Variants in GRID2 observed in about 807,000 individuals in gnomAD.
GRID2 encodes glutamate ionotropic receptor delta type subunit 2.
Under a neutral mutation model 114.8 loss-of-function variants are expected in GRID2, and 33 were observed. The ratio of observed to expected loss-of-function variants is 0.29; its 90% CI spans 0.22 to 0.38. The LOEUF (loss-of-function observed/expected upper bound fraction) is 0.38. GRID2 is among the 10% of genes least tolerant of loss of function. GRID2 has a pLI of 1.00. For missense variants in GRID2, 1,184 were observed against 1,257.7 expected (o/e 0.94, Z 0.89); for synonymous variants, 505 against 449.9 (o/e 1.12, Z -1.55).
chr4:93,548,696 T>G (rs1733471909), intron 13 of GRID2, among the ~76,000 whole-genome samples: 1 of 152,210 alleles, frequency 6.6e-6, no homozygotes, highest in Admixed American at 6.5e-5. Context: ...TCATATTTTT[T>G]TAAGAAAGGG....
intron 11 of GRID2, among the ~76,000 whole-genome samples, chr4:93,458,670 T>C (rs974631026): frequency 6.6e-6 from 1 of 152,138 alleles, no homozygotes; most frequent in African/African-American, 2.4e-5. Flanking sequence ...GTGAAGTTCT[T>C]AGATATAACT....
chr4:92,705,207 A>C (rs2149304851), intron 2 of GRID2, among the ~76,000 whole-genome samples: 1 of 152,298 alleles, frequency 6.6e-6, no homozygotes, highest in East Asian at 1.9e-4. Flanking sequence ...ATTATTCTAA[A>C]CCAAAAGAAA....
chr4:92,595,142 G>A (rs781137041), intron 2 of GRID2, among the ~76,000 whole-genome samples: 15 of 151,866 alleles, frequency 9.9e-5, no homozygotes, highest in South Asian at 2.1e-4. Flanking sequence ...AAGCTGCATC[G>A]TGAATATAAG....
intron 2 of GRID2, among the ~76,000 whole-genome samples, chr4:92,666,047 G>A (rs938111224): frequency 6.6e-6 from 1 of 151,356 alleles, no homozygotes; most frequent in East Asian, 1.9e-4. Context: ...ACTATAATGT[G>A]TATATTGGTC....
At chr4:93,631,026 A>G (rs757756885) in intron 14 of GRID2, among the ~76,000 whole-genome samples, 3 of 152,154 alleles carry the variant, frequency 2.0e-5, no homozygotes, top group Non-Finnish European at 4.4e-5. Context: ...TTGTACAGAT[A>G]CAGAAACTGA....
Position 93,242,244 on chromosome 4 carries a change from A to G in GRID2, c.1245+3754A>G, listed in dbSNP as rs184780351. On this transcript the variant is annotated intron_variant, in intron 8 of 15. Coordinates refer to ENST00000282020, the MANE Select transcript of GRID2 (RefSeq NM_001510.4). ...ATAATGAGACTGGAGGTTTAACAAC[A>G]GTGGAGAAGTTTCGAAATAGCTGCT... 1.3e-3 allele frequency among the ~76,000 whole-genome samples: 204 copies of G among 152,132 alleles called. 3 individuals carry two copies. Among genetic ancestry groups the G allele is most frequent in the African/African-American group, 4.8e-3 (200 of 41,570 alleles).
At chr4:93,331,329 G>A (rs1199347797) in intron 8 of GRID2, among the ~76,000 whole-genome samples, 1 of 151,702 alleles carries the variant, frequency 6.6e-6, no homozygotes, top group Non-Finnish European at 1.5e-5. Flanking sequence ...CCCGTATATA[G>A]CCATGGCTCA....
intron 1 of GRID2, among the ~76,000 whole-genome samples, chr4:92,357,486 T>G (rs1728384320): frequency 6.6e-6 from 1 of 151,868 alleles, no homozygotes; most frequent in African/African-American, 2.4e-5. Context: ...TTCACTCTGT[T>G]GGTAAGGAAA....
chr4:92,744,506 A>T (rs111537198), intron 2 of GRID2, among the ~76,000 whole-genome samples: 3,408 of 148,864 alleles, frequency 0.023, 79 homozygotes, highest in East Asian at 0.1. Flanking sequence ...AAAAAAAAAA[A>T]TTTTTTTTCA....
intron 1 of GRID2, among the ~76,000 whole-genome samples, chr4:92,322,988 C>T (rs1164509079): frequency 6.6e-6 from 1 of 151,962 alleles, no homozygotes; most frequent in Admixed American, 6.6e-5. Context: ...TCCTTTCTCC[C>T]TATCTGCTAA....
Position 93,381,557 on chromosome 4 carries a change from C to A in GRID2, c.1246-14050C>A, listed in dbSNP as rs113117402. ...TAATGAAATGTTTATGTATCTATGT[C>A]ATTGACTTTTGTATATTTTCTATAG... On this transcript the variant is annotated intron_variant, in intron 8 of 15. Coordinates refer to ENST00000282020, the MANE Select transcript of GRID2 (RefSeq NM_001510.4). 2.5e-3 allele frequency among the ~76,000 whole-genome samples: 382 copies of A among 152,072 alleles called. 1 individual carries two copies. The highest frequency in any genetic ancestry group is 8.6e-3 in the African/African-American group (355 of 41,506).
intron 13 of GRID2, among the ~76,000 whole-genome samples, chr4:93,586,128 A>G (rs1737517565): frequency 6.6e-6 from 1 of 152,056 alleles, no homozygotes; most frequent in African/African-American, 2.4e-5. Context: ...TACTTGAGTG[A>G]TCCTAGAGAT....
intron 13 of GRID2, among the ~76,000 whole-genome samples, chr4:93,612,273 A>C (rs1251210036): frequency 6.6e-6 from 1 of 150,426 alleles, no homozygotes; most frequent in African/African-American, 2.4e-5. Context: ...CCAACTTGCC[A>C]GTCTGTGTCT....
chr4:93,579,412 G>A (rs1736748762), intron 13 of GRID2, among the ~76,000 whole-genome samples: 1 of 151,808 alleles, frequency 6.6e-6, no homozygotes, highest in African/African-American at 2.4e-5. Context: ...CAAAACTTTA[G>A]GTGATCTGCG....
At chr4:92,954,413 GTTTTA>G (rs199836628) in intron 2 of GRID2, among the ~76,000 whole-genome samples, 3 of 151,056 alleles carry the variant, frequency 2.0e-5, no homozygotes, top group African/African-American at 4.9e-5. Context: ...TGTTTCTGCA[GTTTTA>G]TTTTATTTTA....
intron 1 of GRID2, among the ~76,000 whole-genome samples, chr4:92,444,399 G>A (rs1241844492): frequency 6.8e-6 from 1 of 146,996 alleles, no homozygotes; most frequent in Admixed American, 6.7e-5. Flanking sequence ...GCGGGCAGGA[G>A]TGGGGGTCAC....
intron 2 of GRID2, among the ~76,000 whole-genome samples, chr4:92,782,555 C>A (rs934400133): frequency 5.3e-5 from 8 of 152,050 alleles, no homozygotes; most frequent in African/African-American, 1.9e-4. Context: ...TTAGGGGAAA[C>A]CCTAAAAATT....
At chr4:92,928,322 A>AT (rs1183898209) in intron 2 of GRID2, among the ~76,000 whole-genome samples, 1 of 151,718 alleles carries the variant, frequency 6.6e-6, no homozygotes, top group African/African-American at 2.4e-5. Context: ...TTTTCATATA[A>AT]TTTTTATTTA....
chr4:92,574,639 T>C (rs1370240310), intron 1 of GRID2, among the ~76,000 whole-genome samples: 1 of 152,122 alleles, frequency 6.6e-6, no homozygotes, highest in African/African-American at 2.4e-5. Flanking sequence ...CTTTAAAATG[T>C]TACATTTTGC....
Sources: allele counts gnomAD v4.1 joint callset (sites outside exome capture counted in the v4.1 genomes callset), GRCh38; gene constraint gnomAD v4.1.1; transcripts MANE v1.5; gene names NCBI Gene and HGNC (gene_info 2026-07-23, HGNC 2026-07-21).